ENOX1: variants seen among roughly 807,000 people sequenced by gnomAD.
The protein encoded by ENOX1 is candidate growth-related and time keeping constitutive hydroquinone (NADH) oxidase.
A neutral mutation model predicts 82.5 loss-of-function variants in ENOX1; 42 were observed. The ratio of observed to expected loss-of-function variants is 0.51; its 90% CI spans 0.40 to 0.66. ENOX1 has a LOEUF of 0.66. Ranked by LOEUF, ENOX1 falls within the 30% of genes least tolerant of loss-of-function variation. ENOX1 has a pLI of 0.00. For missense variants in ENOX1, 608 were observed against 811.6 expected (o/e 0.75, Z 3.05); for synonymous variants, 271 against 282.2 (o/e 0.96, Z 0.40).
At chr13:43,575,400 C>A (rs538047879) in intron 2 of ENOX1, among the ~76,000 whole-genome samples, 1 of 152,176 alleles carries the variant, frequency 6.6e-6, no homozygotes, top group Non-Finnish European at 1.5e-5. Context: ...TCTCAGGAAG[C>A]TACACTACTA....
At chr13:43,351,681 C>G (rs1025935246) in intron 8 of ENOX1, among the ~76,000 whole-genome samples, 8 of 147,064 alleles carry the variant, frequency 5.4e-5, no homozygotes, top group African/African-American at 1.3e-4. Context: ...GCGGTGTTTG[C>G]TTTTTTGTTC....
chr13:43,230,416 T>G (rs963656888), intron 15 of ENOX1, among the ~76,000 whole-genome samples: 1 of 152,158 alleles, frequency 6.6e-6, no homozygotes, highest in African/African-American at 2.4e-5. Context: ...GGGGTCATGG[T>G]GTCAAGACAG....
rs141291384 is a variant in ENOX1 at position 43,371,368 on chromosome 13, A to G, written c.209-9916T>C. Among the ~76,000 whole-genome samples, 3 of 152,358 alleles carry G rather than the reference A, an allele frequency of 2.0e-5. No homozygotes were observed. In the East Asian group the frequency reaches 5.8e-4, roughly 29 times the overall value. On this transcript the variant is annotated intron_variant, in intron 5 of 16. Transcript: ENST00000690772. ...TATATGTTGAAAGACTAAATAAATT[A>G]TAATTTCTTTCTGGCATTCAATGCC...
intron 2 of ENOX1, among the ~76,000 whole-genome samples, chr13:43,585,354 T>C (rs987898894): frequency 9.2e-5 from 14 of 152,246 alleles, no homozygotes; most frequent in African/African-American, 3.4e-4. Context: ...TTCAGACTTC[T>C]GACTTCCAGA....
At chr13:43,634,901 G>C (rs560396411) in intron 2 of ENOX1, among the ~76,000 whole-genome samples, 22 of 152,220 alleles carry the variant, frequency 1.4e-4, no homozygotes, top group Non-Finnish European at 2.5e-4. Flanking sequence ...ACCACTCTTA[G>C]AACATGTTTC....
chr13:43,654,452 GAC>G (rs2084338684), intron 2 of ENOX1, among the ~76,000 whole-genome samples: 2 of 152,144 alleles, frequency 1.3e-5, no homozygotes, highest in African/African-American at 4.8e-5. Context: ...TGTATAGATA[GAC>G]AGATTCTGTC....
At chr13:43,580,481 T>C (rs1196307629) in intron 2 of ENOX1, among the ~76,000 whole-genome samples, 1 of 152,242 alleles carries the variant, frequency 6.6e-6, no homozygotes, top group Non-Finnish European at 1.5e-5. Flanking sequence ...AGAACAGTTC[T>C]TGTATGCTCA....
chr13:43,535,336 T>C (rs2078411415), intron 2 of ENOX1, among the ~76,000 whole-genome samples: 2 of 152,274 alleles, frequency 1.3e-5, no homozygotes, highest in East Asian at 1.9e-4. Context: ...CAGAAACACC[T>C]AGCTGAGCAA....
chr13:43,752,672 C>T (rs1053000985), intron 1 of ENOX1, among the ~76,000 whole-genome samples: 10 of 152,160 alleles, frequency 6.6e-5, no homozygotes, highest in South Asian at 2.1e-4. Flanking sequence ...CTAAAATCCA[C>T]GGTCTATACA....
At chr13:43,684,986 A>T (rs1159386160) in intron 1 of ENOX1, among the ~76,000 whole-genome samples, 1 of 152,208 alleles carries the variant, frequency 6.6e-6, no homozygotes, top group Non-Finnish European at 1.5e-5. Flanking sequence ...GTCTCTTTAG[A>T]ACTGCTAGTT....
chr13:43,740,673 A>C (rs1191238409), intron 1 of ENOX1, among the ~76,000 whole-genome samples: 1 of 152,062 alleles, frequency 6.6e-6, no homozygotes, highest in Non-Finnish European at 1.5e-5. Flanking sequence ...CCCCATATCC[A>C]TCAGCAGTCA....
intron 11 of ENOX1, among the ~76,000 whole-genome samples, chr13:43,319,236 T>C (rs923338550): frequency 6.6e-5 from 10 of 152,182 alleles, no homozygotes; most frequent in African/African-American, 1.9e-4. Flanking sequence ...ATTAACAAAA[T>C]TGATTTTCAT....
intron 3 of ENOX1, among the ~76,000 whole-genome samples, chr13:43,447,563 T>C (rs962143162): frequency 6.6e-6 from 1 of 151,918 alleles, no homozygotes; most frequent in Non-Finnish European, 1.5e-5. Context: ...CTTTGGGTTT[T>C]ATCCAGAATG....
chr13:43,299,461 G>A (rs1009205939), intron 11 of ENOX1, among the ~76,000 whole-genome samples: 2 of 152,190 alleles, frequency 1.3e-5, no homozygotes, highest in African/African-American at 4.8e-5. Context: ...CCCCCACCAA[G>A]CCTGTGATGC....
intron 14 of ENOX1, among the ~76,000 whole-genome samples, chr13:43,264,653 C>A (rs1368468407): frequency 6.6e-6 from 1 of 152,060 alleles, no homozygotes; most frequent in East Asian, 1.9e-4. Flanking sequence ...AAAAGAACTG[C>A]TTAGTAAGCA....
intron 11 of ENOX1, among the ~76,000 whole-genome samples, chr13:43,317,140 T>C (rs1226516706): frequency 6.6e-6 from 1 of 152,240 alleles, no homozygotes; most frequent in African/African-American, 2.4e-5. Context: ...GATCCTGGCA[T>C]GTGGCCTCAG....
intron 5 of ENOX1, among the ~76,000 whole-genome samples, chr13:43,411,347 G>GA (rs2054114071): frequency 6.6e-6 from 1 of 152,084 alleles, no homozygotes; most frequent in African/African-American, 2.4e-5. Context: ...GATGACTTTT[G>GA]ACTTTGTGGT....
chr13:43,711,080 C>T (rs1186177698), intron 1 of ENOX1, among the ~76,000 whole-genome samples: 1 of 118,992 alleles, frequency 8.4e-6, no homozygotes, highest in Non-Finnish European at 1.7e-5. Context: ...TCCCCCCACC[C>T]CACAACAGTC....
chr13:43,247,152 C>T (rs1324711048), intron 14 of ENOX1, among the ~76,000 whole-genome samples: 2 of 152,036 alleles, frequency 1.3e-5, no homozygotes, highest in Non-Finnish European at 1.5e-5. Context: ...CCCGTCTCTA[C>T]TAAAAATATA....
Sources: allele counts gnomAD v4.1 joint callset (sites outside exome capture counted in the v4.1 genomes callset), GRCh38; gene constraint gnomAD v4.1.1; transcripts MANE v1.5; gene names NCBI Gene and HGNC (gene_info 2026-07-23, HGNC 2026-07-21).